The following R3HDM2 variants were observed in gnomAD, a reference collection of about 807,000 sequenced individuals.
R3HDM2 encodes R3H domain containing 2.
In R3HDM2, 38 loss-of-function variants were observed where a neutral mutation model predicts 124.5. The ratio of observed to expected loss-of-function variants is 0.31; its 90% CI spans 0.24 to 0.40. The LOEUF is 0.40. Among genes scored for constraint, R3HDM2 ranks in the 10% least tolerant of loss-of-function variants. R3HDM2 has a pLI of 1.00. For synonymous variants in R3HDM2, 391 were observed against 448.0 expected, an observed-to-expected ratio of 0.87 and a Z score of 1.61; for missense variants, 869 against 1,236.9, an observed-to-expected ratio of 0.70 and a Z score of 4.46.
intron 2 of R3HDM2, among the ~76,000 whole-genome samples, chr12:57,381,808 TAGAG>T (rs377725699): frequency 8.6e-4 from 128 of 149,242 alleles, no homozygotes; most frequent in East Asian, 1.6e-3. Flanking sequence ...GGGATAGAGA[TAGAG>T]AGAGAGAGAG....
intron 2 of R3HDM2, among the ~76,000 whole-genome samples, chr12:57,311,129 A>C (rs571726645): frequency 2.6e-5 from 4 of 152,130 alleles, no homozygotes. Flanking sequence ...AGCTACCACA[A>C]ACCCACAACA....
At chr12:57,325,696 T>C (rs549691952) in intron 2 of R3HDM2, among the ~76,000 whole-genome samples, 2 of 147,548 alleles carry the variant, frequency 1.4e-5, no homozygotes, top group Admixed American at 1.4e-4. Context: ...AGGCATGCAC[T>C]ACTATCCTTA....
intron 2 of R3HDM2, among the ~76,000 whole-genome samples, chr12:57,376,111 G>A (rs1163716994): frequency 1.3e-5 from 2 of 152,310 alleles, no homozygotes; most frequent in South Asian, 4.1e-4. Context: ...CTTGGTCTTG[G>A]ACCTATTCTG....
intron 2 of R3HDM2, among the ~76,000 whole-genome samples, chr12:57,317,216 T>C (rs545570570): frequency 6.6e-6 from 1 of 151,904 alleles, no homozygotes; most frequent in African/African-American, 2.4e-5. Context: ...TTTTGTTTTT[T>C]TTTTGAGACA....
chr12:57,300,192 C>A lies in R3HDM2; in HGVS notation c.208-11G>T, dbSNP rs1467277372. 1 of 1,548,114 alleles carries A rather than the reference C, an allele frequency of 6.5e-7. No homozygotes were observed. The highest frequency in any genetic ancestry group is 8.7e-7 in the Non-Finnish European group (1 of 1,144,340). ...TAGCTTGGAATTAGACTGAAAAAAA[C>A]AAAAAACAATTTTCAATTTTTTTAA... On this transcript the variant is annotated splice_polypyrimidine_tract_variant and intron_variant, in intron 4 of 23. Coordinates refer to ENST00000402412, the MANE Select transcript of R3HDM2 (RefSeq NM_001394031.1).
intron 12 of R3HDM2, among the ~76,000 whole-genome samples, chr12:57,285,250 T>G (rs1257458124): frequency 6.6e-6 from 1 of 152,162 alleles, no homozygotes; most frequent in Non-Finnish European, 1.5e-5. Flanking sequence ...TTAAGGGCAT[T>G]AATATTAAAG....
intron 1 of R3HDM2, among the ~76,000 whole-genome samples, chr12:57,421,886 C>T (rs1007961868): frequency 6.6e-6 from 1 of 152,006 alleles, no homozygotes; most frequent in African/African-American, 2.4e-5. Context: ...CACCTAAGAT[C>T]AGGAGTTCAC....
At chr12:57,337,728 A>G (rs1171096125) in intron 2 of R3HDM2, among the ~76,000 whole-genome samples, 1 of 152,184 alleles carries the variant, frequency 6.6e-6, no homozygotes, top group Non-Finnish European at 1.5e-5. Context: ...TTAATCTCAG[A>G]AGGACAAGAA....
At chr12:57,366,939 T>A (rs1017378453) in intron 2 of R3HDM2, among the ~76,000 whole-genome samples, 6 of 152,014 alleles carry the variant, frequency 3.9e-5, no homozygotes, top group Non-Finnish European at 8.8e-5. Context: ...CGCCCGCCTT[T>A]GCCTCCCAAA....
rs571183311 is a variant in R3HDM2 at position 57,360,124 on chromosome 12, G to A, written c.-36+35625C>T. 1.9e-3 allele frequency among the ~76,000 whole-genome samples: 290 copies of A among 149,246 alleles called. 2 individuals are homozygous for A. The highest frequency in any genetic ancestry group is 6.7e-3 in the African/African-American group (273 of 40,550). The stretch of plus-strand genomic sequence containing the variant: ...GATCACTGCAACCTCCGCCTTCTGG[G>A]CTCAAACAATTCTCCTGCCTCAGCC... On this transcript the variant is annotated intron_variant, in intron 2 of 23. Transcript: ENST00000402412.
intron 2 of R3HDM2, among the ~76,000 whole-genome samples, chr12:57,348,357 G>C (rs1300628024): frequency 6.6e-6 from 1 of 151,696 alleles, no homozygotes; most frequent in Non-Finnish European, 1.5e-5. Context: ...ACTTGAGCTT[G>C]AGAGTTCAAG....
At chr12:57,371,847 T>C (rs1011654827) in intron 2 of R3HDM2, among the ~76,000 whole-genome samples, 2 of 152,146 alleles carry the variant, frequency 1.3e-5, no homozygotes, top group Admixed American at 1.3e-4. Flanking sequence ...TTACAACATA[T>C]CATAGATTGT....
rs1869704346 is a variant in R3HDM2 at position 57,430,740 on chromosome 12, G to A, written c.-126C>T. ...CTCACCTCGCACGGGCCTTGGCGGG[G>A]AGGGCGCCCACGTCTCCGCCCGCCG... On this transcript the variant is annotated 5_prime_UTR_variant, in exon 1 of 24. Coordinates refer to ENST00000402412, the MANE Select transcript of R3HDM2 (RefSeq NM_001394031.1). 4.0e-6 allele frequency: 1 copy of A among 251,462 alleles called. No homozygotes were observed. Among genetic ancestry groups the A allele is most frequent in the Non-Finnish European group, 6.2e-6 (1 of 160,670 alleles). 15.6% of individuals were successfully genotyped at this position (251,462 alleles called of 1,614,324 possible). A position where few individuals can be genotyped will look rare whatever the true frequency, so the allele number is the denominator to read the frequency against.
chr12:57,388,051 G>C (rs1052337006), intron 2 of R3HDM2, among the ~76,000 whole-genome samples: 1 of 151,614 alleles, frequency 6.6e-6, no homozygotes, highest in African/African-American at 2.4e-5. Flanking sequence ...TGCAAACTCC[G>C]CCTCCCAGGT....
chr12:57,391,145 T>C (rs1454852713), intron 2 of R3HDM2, among the ~76,000 whole-genome samples: 1 of 152,060 alleles, frequency 6.6e-6, no homozygotes, highest in Non-Finnish European at 1.5e-5. Flanking sequence ...TGAATATTCA[T>C]AGTAGATTTA....
chr12:57,276,012 T>C (rs1329747015), intron 14 of R3HDM2, among the ~76,000 whole-genome samples: 1 of 152,004 alleles, frequency 6.6e-6, no homozygotes, highest in Non-Finnish European at 1.5e-5. Flanking sequence ...GGTCAGAAGA[T>C]CGAGACCATC....
chr12:57,401,577 A>T (rs2068054088), intron 1 of R3HDM2, among the ~76,000 whole-genome samples: 1 of 152,248 alleles, frequency 6.6e-6, no homozygotes, highest in Non-Finnish European at 1.5e-5. Flanking sequence ...AATGCAGCTG[A>T]CCATTGAACA....
At chr12:57,346,770 A>G (rs2060130872) in intron 2 of R3HDM2, among the ~76,000 whole-genome samples, 2 of 152,222 alleles carry the variant, frequency 1.3e-5, no homozygotes, top group Admixed American at 6.5e-5. Context: ...CTATTCTCCT[A>G]TTGAGTTCCT....
chr12:57,325,645 A>C (rs1306963432), intron 2 of R3HDM2, among the ~76,000 whole-genome samples: 1 of 151,874 alleles, frequency 6.6e-6, no homozygotes, highest in East Asian at 1.9e-4. Context: ...CTTAGGCCCA[A>C]GCTATCCTCC....
Sources: gnomAD v4.1 joint callset for allele counts (sites outside exome capture counted in the v4.1 genomes callset) on GRCh38, gnomAD v4.1.1 for gene constraint, MANE v1.5 for transcripts, NCBI Gene and HGNC (gene_info 2026-07-23, HGNC 2026-07-21) for gene names.